MED13L: variants seen among roughly 807,000 people sequenced by gnomAD.
The protein encoded by MED13L is mediator complex subunit 13L, also known as mediator of RNA polymerase II transcription subunit 13-like.
Under a neutral mutation model 220.9 loss-of-function variants are expected in MED13L, and 7 were observed. That is an observed-to-expected ratio of 0.03 (90% confidence interval 0.02 to 0.06). The LOEUF is 0.06. Ranked by LOEUF, MED13L falls within the 10% of genes least tolerant of loss-of-function variation. MED13L has a pLI of 1.00. For missense variants in MED13L, 1,965 were observed against 2,760.5 expected (o/e 0.71, Z 6.46); for synonymous variants, 1,011 against 1,015.2 (o/e 1.00, Z 0.08).
chr12:116,127,847 A>G (rs1230959037), intron 2 of MED13L, among the ~76,000 whole-genome samples: 1 of 152,166 alleles, frequency 6.6e-6, no homozygotes. Flanking sequence ...ATGGCTTCTC[A>G]TGGAATTAAT....
intron 2 of MED13L, among the ~76,000 whole-genome samples, chr12:116,151,192 G>A (rs2138092267): frequency 6.6e-6 from 1 of 152,236 alleles, no homozygotes; most frequent in African/African-American, 2.4e-5. Flanking sequence ...TGGGGGTGGG[G>A]AGGGGAGATA....
intron 2 of MED13L, among the ~76,000 whole-genome samples, chr12:116,170,101 A>G (rs190921844): frequency 3.2e-4 from 48 of 152,330 alleles, no homozygotes; most frequent in Admixed American, 2.2e-3. Flanking sequence ...CACTTTGATT[A>G]TCAAGCATTG....
chr12:116,131,759 G>A (rs760397616), intron 2 of MED13L, among the ~76,000 whole-genome samples: 14 of 151,996 alleles, frequency 9.2e-5, no homozygotes, highest in Middle Eastern at 3.2e-3. Flanking sequence ...AAGGCAGATC[G>A]CTTCAGCTCA....
At chr12:116,030,454 TTTATATCCTTATA>T (rs2137486130) in intron 4 of MED13L, among the ~76,000 whole-genome samples, 1 of 152,272 alleles carries the variant, frequency 6.6e-6, no homozygotes, top group Admixed American at 6.5e-5. Context: ...TTACAAGTAA[TTTATATCCTTATA>T]GGCCTAAAAG....
chr12:115,970,000 T>C lies in MED13L; in HGVS notation c.6067+594A>G, dbSNP rs543513460. ...TATATTTGTTATTCTATTGTAATCA[T>C]ACCAGATATAAAATTTGGTATCCTT... On this transcript the variant is annotated intron_variant, in intron 27 of 30. Coordinates refer to ENST00000281928, the MANE Select transcript of MED13L (RefSeq NM_015335.5). Among the ~76,000 whole-genome samples, 4 of 152,354 alleles carry C rather than the reference T, an allele frequency of 2.6e-5. No homozygotes were observed. In the South Asian group the frequency reaches 6.2e-4, roughly 24 times the overall value.
At chr12:116,165,259 CTTTTTTTTTTTTTTTTTT>C (rs34196219) in intron 2 of MED13L, among the ~76,000 whole-genome samples, 7 of 74,488 alleles carry the variant, frequency 9.4e-5, no homozygotes, top group Non-Finnish European at 1.5e-4. Flanking sequence ...AGGCACCATC[CTTTTTTTTTTTTTTTTTT>C]TTTTTTTTTT....
At chr12:116,242,287 C>A (rs764195638) in intron 1 of MED13L, among the ~76,000 whole-genome samples, 4 of 152,196 alleles carry the variant, frequency 2.6e-5, no homozygotes, top group African/African-American at 9.6e-5. Context: ...TCAGGTGATA[C>A]GCTTGCCTTG....
At chr12:116,219,786 G>T (rs1482157933) in intron 2 of MED13L, among the ~76,000 whole-genome samples, 1 of 151,922 alleles carries the variant, frequency 6.6e-6, no homozygotes, top group Non-Finnish European at 1.5e-5. Context: ...TCAACTGCCA[G>T]TTTTTTTGTT....
Position 116,191,154 on chromosome 12 carries a change from GTAAT to G in MED13L, c.310+46310_310+46313del, listed in dbSNP as rs368684443. Among the ~76,000 whole-genome samples the G allele has an allele frequency of 5.5e-3, 840 of 151,372 alleles. 7 individuals are homozygous for G. The highest frequency in any genetic ancestry group is 0.018 in the Admixed American group (272 of 15,234). On this transcript the variant is annotated intron_variant, in intron 2 of 30. Coordinates refer to ENST00000281928, the MANE Select transcript of MED13L (RefSeq NM_015335.5). ...CACTGCTTGGTTCAGTCAAGGAACA[GTAAT>G]TTCCAAATACTTCAGTATTTGGAAT...
Position 115,996,502 on chromosome 12 carries a change from T to G in MED13L, c.2970A>C (p.Ala990=). Residue 990 remains alanine (A), a synonymous_variant, in exon 16 of 31, where the codon GCA becomes GCC. Coordinates refer to ENST00000281928, the MANE Select transcript of MED13L (RefSeq NM_015335.5). The part of the protein sequence containing the change: ...PKIEQLPMPP[A]ATFIRDGYNN... ...TGTAGCCATCTCTAATGAAAGTGGC[T>G]GCAGGGGGCATGGGCAGTTGTTCAA... The G allele has an allele frequency of 1.2e-6, 2 of 1,614,186 alleles. No homozygotes were observed. Among genetic ancestry groups the G allele is most frequent in the Non-Finnish European group, 8.5e-7 (1 of 1,179,984 alleles).
intron 2 of MED13L, among the ~76,000 whole-genome samples, chr12:116,219,153 G>A (rs1883170020): frequency 1.3e-5 from 2 of 152,232 alleles, no homozygotes; most frequent in South Asian, 4.1e-4. Flanking sequence ...ATAATAAAGA[G>A]ACAAGCTTTT....
At chr12:116,133,780 G>A (rs1876280363) in intron 2 of MED13L, among the ~76,000 whole-genome samples, 1 of 152,244 alleles carries the variant, frequency 6.6e-6, no homozygotes, top group Non-Finnish European at 1.5e-5. Context: ...GAAACTGATA[G>A]TCTCCACATC....
chr12:116,260,704 A>T (rs1872451392), intron 1 of MED13L, among the ~76,000 whole-genome samples: 1 of 152,192 alleles, frequency 6.6e-6, no homozygotes, highest in Non-Finnish European at 1.5e-5. Context: ...TGCCCCCGCT[A>T]TTCTATCCAC....
chr12:115,987,692 T>C (rs1018326828), intron 17 of MED13L, among the ~76,000 whole-genome samples: 1 of 152,140 alleles, frequency 6.6e-6, no homozygotes, highest in Non-Finnish European at 1.5e-5. Flanking sequence ...TAGGAAAAAA[T>C]GGAACTTAAA....
intron 23 of MED13L, among the ~76,000 whole-genome samples, chr12:115,977,761 C>G (rs1272830578): frequency 1.3e-5 from 2 of 152,166 alleles, no homozygotes; most frequent in African/African-American, 4.8e-5. Flanking sequence ...CTTTGGGAGG[C>G]TGAGTCAGGC....
chr12:116,020,928 G>A lies in MED13L; in HGVS notation c.626-956C>T, dbSNP rs892796980. The stretch of plus-strand genomic sequence containing the variant: ...ATCATATGTCACATCAATCAAGAGA[G>A]AGACAGTTATAGACATCACATGTAT... On this transcript the variant is annotated intron_variant, in intron 5 of 30. Coordinates refer to ENST00000281928, the MANE Select transcript of MED13L (RefSeq NM_015335.5). 2.0e-5 allele frequency among the ~76,000 whole-genome samples: 3 copies of A among 152,034 alleles called. No individual in the cohort carries two copies. The South Asian group carries it at 6.2e-4, about 32-fold the overall frequency.
intron 17 of MED13L, among the ~76,000 whole-genome samples, chr12:115,989,270 G>A (rs1415671735): frequency 2.0e-5 from 3 of 152,030 alleles, no homozygotes; most frequent in Admixed American, 6.6e-5. Flanking sequence ...CTCTCACCAC[G>A]GTCAGAAGAC....
At chr12:116,048,974 A>G (rs940303811) in intron 4 of MED13L, among the ~76,000 whole-genome samples, 5 of 152,230 alleles carry the variant, frequency 3.3e-5, no homozygotes, top group Admixed American at 3.3e-4. Flanking sequence ...GTATGCTACA[A>G]TAAGACATTT....
Position 116,007,495 on chromosome 12 carries a change from A to G in MED13L, c.2154T>C (p.Phe718=). ...SLGEVNDPYT[F]EDGDIKYIFT... Reference sequence around the variant, plus strand: ...AGATGTATTTTATGTCACCATCTTCAAAGGTATATGGGTCATTCACTTCTC... The same window carrying G: ...AGATGTATTTTATGTCACCATCTTCGAAGGTATATGGGTCATTCACTTCTC... The change falls in exon 11 of 31, where the codon TTT becomes TTC. Residue 718 remains phenylalanine (F), a synonymous_variant. Coordinates refer to ENST00000281928, the MANE Select transcript of MED13L (RefSeq NM_015335.5). The G allele has an allele frequency of 6.2e-7, 1 of 1,613,992 alleles. No individual in the cohort carries two copies. Among genetic ancestry groups the G allele is most frequent in the Non-Finnish European group, 8.5e-7 (1 of 1,179,938 alleles).
Sources: gnomAD v4.1 joint callset for allele counts (sites outside exome capture counted in the v4.1 genomes callset) on GRCh38, gnomAD v4.1.1 for gene constraint, MANE v1.5 for transcripts, NCBI Gene and HGNC (gene_info 2026-07-23, HGNC 2026-07-21) for gene names.